PDE1A: variants seen among roughly 807,000 people sequenced by gnomAD.
The protein encoded by PDE1A is dual specificity calcium/calmodulin-dependent 3',5'-cyclic nucleotide phosphodiesterase 1A.
A neutral mutation model predicts 61.7 loss-of-function variants in PDE1A; 35 were observed. That is an observed-to-expected ratio of 0.57 (90% CI 0.43 to 0.75). The LOEUF (loss-of-function observed/expected upper bound fraction) is 0.75. PDE1A is among the 30% of genes least tolerant of loss of function. PDE1A has a pLI of 0.00. For synonymous variants in PDE1A, 232 were observed against 213.2 expected, an observed-to-expected ratio of 1.09 and a Z score of -0.77; for missense variants, 597 against 630.6, an observed-to-expected ratio of 0.95 and a Z score of 0.57.
intron 1 of PDE1A, among the ~76,000 whole-genome samples, chr2:182,381,245 T>A (rs976900117): frequency 1.3e-5 from 2 of 152,096 alleles, no homozygotes; most frequent in East Asian, 3.9e-4. Flanking sequence ...ACACAGACTA[T>A]GTTATTTTTC....
intron 1 of PDE1A, among the ~76,000 whole-genome samples, chr2:182,306,868 C>T (rs1695621973): frequency 6.6e-6 from 1 of 152,106 alleles, no homozygotes; most frequent in Non-Finnish European, 1.5e-5. Context: ...ACAGGGGTGA[C>T]ACTATACAAC....
At chr2:182,506,590 T>C (rs1559524156) in intron 2 of PDE1A, among the ~76,000 whole-genome samples, 4 of 152,250 alleles carry the variant, frequency 2.6e-5, no homozygotes, top group Non-Finnish European at 5.9e-5. Context: ...CTTATGAATG[T>C]AAAAATTGAA....
chr2:182,713,318 C>A, the PDE1A span, among the ~76,000 whole-genome samples: 1 of 152,112 alleles, frequency 6.6e-6, no homozygotes, highest in Non-Finnish European at 1.5e-5. Context: ...TCCTTGCTCA[C>A]CACAGTAACC....
At chr2:182,380,460 A>G (rs1019174984) in intron 1 of PDE1A, among the ~76,000 whole-genome samples, 5 of 152,026 alleles carry the variant, frequency 3.3e-5, no homozygotes, top group African/African-American at 4.8e-5. Flanking sequence ...TGCCCGGGTA[A>G]AATAGATCAT....
chr2:182,682,537 G>A, the PDE1A span, among the ~76,000 whole-genome samples: 1 of 152,068 alleles, frequency 6.6e-6, no homozygotes, highest in Admixed American at 6.5e-5. Flanking sequence ...TCCTGAGAAA[G>A]GAGCTCAGAT....
At position 182,236,429 on chromosome 2, in the gene PDE1A, G is replaced by A. The variant is rs73046074; in HGVS notation, c.351-1931C>T. On this transcript the variant is annotated intron_variant, in intron 3 of 13. Coordinates refer to ENST00000351439, the Ensembl canonical transcript of PDE1A. Reference sequence around the variant, plus strand: ...AAAAAAATGGAGGTGCAGGGGAAATGGAAGGATGATGAACAGGCAAAAGCG... The same window carrying A: ...AAAAAAATGGAGGTGCAGGGGAAATAGAAGGATGATGAACAGGCAAAAGCG... Among the ~76,000 whole-genome samples the A allele has an allele frequency of 7.0e-3, 1,066 of 151,322 alleles. 10 individuals are homozygous for A. The highest frequency in any genetic ancestry group is 0.024 in the African/African-American group (977 of 41,274).
the PDE1A span, among the ~76,000 whole-genome samples, chr2:182,579,909 T>C: frequency 6.6e-6 from 1 of 152,190 alleles, no homozygotes; most frequent in Non-Finnish European, 1.5e-5. Context: ...AGCTAACTCT[T>C]CTTGTCCCCA....
At chr2:182,585,449 T>C in the PDE1A span, among the ~76,000 whole-genome samples, 1 of 152,210 alleles carries the variant, frequency 6.6e-6, no homozygotes, top group East Asian at 1.9e-4. Flanking sequence ...ATGAGTCAAA[T>C]AATAGATTTG....
intron 2 of PDE1A, among the ~76,000 whole-genome samples, chr2:182,497,520 A>AATT: frequency 6.6e-6 from 1 of 152,180 alleles, no homozygotes; most frequent in Admixed American, 6.5e-5. Context: ...TTTCTTGTGA[A>AATT]ATTAAACCAC....
At chr2:182,716,634 C>T in the PDE1A span, among the ~76,000 whole-genome samples, 5 of 152,350 alleles carry the variant, frequency 3.3e-5, no homozygotes, top group African/African-American at 9.6e-5. Context: ...CACCTTCCTC[C>T]TCCCTGTTAT....
the PDE1A span, among the ~76,000 whole-genome samples, chr2:182,590,755 T>C: frequency 1.3e-5 from 2 of 152,220 alleles, no homozygotes; most frequent in African/African-American, 4.8e-5. Context: ...AGGGAAAACC[T>C]GGTTCTGAGA....
At chr2:182,241,063 AG>A (rs1287987260) in intron 2 of PDE1A, among the ~76,000 whole-genome samples, 1 of 152,214 alleles carries the variant, frequency 6.6e-6, no homozygotes, top group Non-Finnish European at 1.5e-5. Context: ...TATAAGCTCC[AG>A]GTAGATAAAA....
chr2:182,223,919 C>T (rs1292357931), exon 7 of PDE1A: 3 of 1,604,942 alleles, frequency 1.9e-6, no homozygotes, highest in African/African-American at 2.7e-5. Flanking sequence ...TCATGAATGG[C>T]AGCAGCAAAG....
intron 1 of PDE1A, among the ~76,000 whole-genome samples, chr2:182,267,282 A>G (rs1000732583): frequency 2.0e-5 from 3 of 152,178 alleles, no homozygotes; most frequent in African/African-American, 7.2e-5. Context: ...TTATGTCTTG[A>G]TAATTCATAA....
At chr2:182,246,568 A>AT (rs1223723541) in intron 2 of PDE1A, among the ~76,000 whole-genome samples, 1 of 151,116 alleles carries the variant, frequency 6.6e-6, no homozygotes, top group Non-Finnish European at 1.5e-5. Context: ...CACCCAGCTA[A>AT]TTTTTTGTAT....
rs539801643 is a variant in PDE1A, at chr2:182,434,638, G to A, written c.101+87638C>T. On this transcript the variant is annotated intron_variant, in intron 2 of 14. Transcript: ENST00000410103. ...AAGTCCCCACCTCTACTACCACACC[G>A]AAATCACTTGAATTTTGGAGAGGAC... Among the ~76,000 whole-genome samples the A allele has an allele frequency of 1.3e-3, 203 of 151,876 alleles. 1 individual carries two copies. The highest frequency in any genetic ancestry group is 1.8e-3 in the Admixed American group (27 of 15,242).
At chr2:182,230,034 T>G (rs1472953377) in exon 6 of PDE1A, 1 of 1,613,098 alleles carries the variant, frequency 6.2e-7, no homozygotes, top group Admixed American at 1.7e-5. Flanking sequence ...CATTATGTAA[T>G]GCACAGTTTG....
the PDE1A span, among the ~76,000 whole-genome samples, chr2:182,640,848 C>T: frequency 6.6e-6 from 1 of 151,688 alleles, no homozygotes; most frequent in South Asian, 2.1e-4. Flanking sequence ...AGTAAAACCT[C>T]GTTTCTACTA....
chr2:182,392,349 C>G (rs1247431227), intron 1 of PDE1A, among the ~76,000 whole-genome samples: 1 of 152,158 alleles, frequency 6.6e-6, no homozygotes, highest in African/African-American at 2.4e-5. Flanking sequence ...ATCACAAGAA[C>G]AGCACGTGAA....
Sources: allele counts gnomAD v4.1 joint callset (sites outside exome capture counted in the v4.1 genomes callset), GRCh38; gene constraint gnomAD v4.1.1; transcripts MANE v1.5; gene names NCBI Gene and HGNC (gene_info 2026-07-23, HGNC 2026-07-21).